LCP2: variants seen among roughly 807,000 people sequenced by gnomAD.
LCP2 encodes lymphocyte cytosolic protein 2.
A neutral mutation model predicts 74.5 loss-of-function variants in LCP2; 29 were observed. The observed-to-expected ratio is 0.39, with a 90% CI of 0.29 to 0.53. LCP2 has a LOEUF of 0.53. Ranked by LOEUF, LCP2 falls within the 20% of genes least tolerant of loss-of-function variation. The pLI is 0.72. For synonymous variants in LCP2, 228 were observed against 229.5 expected, an observed-to-expected ratio of 0.99 and a Z score of 0.06; for missense variants, 604 against 634.6, an observed-to-expected ratio of 0.95 and a Z score of 0.52.
chr5:170,248,718 C>T lies in LCP2; in HGVS notation c.1581G>A (p.Thr527=), dbSNP rs376953561. 5.8e-5 allele frequency: 93 copies of T among 1,611,396 alleles called. No homozygotes were observed. Among genetic ancestry groups the T allele is most frequent in the Non-Finnish European group, 6.8e-5 (80 of 1,178,960 alleles). The part of the protein sequence containing the change: ...NRGSRYQCTL[T]HAAGYP The stretch of plus-strand genomic sequence containing the variant: ...CTTGCTATGGGTACCCTGCAGCATG[C>T]GTTAATGTGCACTGGTATCTGGAAC... Residue 527 remains threonine, a synonymous_variant, in exon 21 of 21, where the codon ACG becomes ACA. Transcript: ENST00000046794.
At position 170,256,690 on chromosome 5, in the gene LCP2, C is replaced by T. The variant is rs907615223; in HGVS notation, c.1101-115G>A. 1.0e-4 allele frequency: 75 copies of T among 745,260 alleles called. No homozygotes were observed. Among genetic ancestry groups the T allele is most frequent in the Non-Finnish European group, 1.8e-4 (73 of 413,914 alleles). 46.2% of individuals were successfully genotyped at this position (745,260 alleles called of 1,614,324 possible). ...GCTTCTTGATTTGGTATCACTTTCCCTGCTGCCCCCAAAACCATGGGGGCT... is the reference window on the plus strand; with the variant it reads ...GCTTCTTGATTTGGTATCACTTTCCTTGCTGCCCCCAAAACCATGGGGGCT... On this transcript the variant is annotated intron_variant, in intron 16 of 20. Coordinates refer to ENST00000046794, the MANE Select transcript of LCP2 (RefSeq NM_005565.5). The surrounding 1 kb of genome is among the most constrained non-coding windows in gnomAD (Gnocchi z 4.5).
At chr5:170,264,807 CTAAAAATAAAA>C (rs1761718244) in intron 10 of LCP2, among the ~76,000 whole-genome samples, 1 of 151,256 alleles carries the variant, frequency 6.6e-6, no homozygotes, top group Non-Finnish European at 1.5e-5. Context: ...TCAAAAAAAA[CTAAAAATAAAA>C]AAATAAAAAT....
intron 2 of LCP2, among the ~76,000 whole-genome samples, chr5:170,291,925 T>C (rs1316332130): frequency 2.0e-5 from 3 of 152,228 alleles, no homozygotes; most frequent in African/African-American, 7.2e-5. Context: ...CAAATCTCAA[T>C]ACAAATAAAT....
intron 2 of LCP2, among the ~76,000 whole-genome samples, chr5:170,289,590 CTTTTCTTTCTTTCTTTCTTTCTTTCT>C (rs1176290429): frequency 0.014 from 2,159 of 149,168 alleles, 18 homozygotes; most frequent in Non-Finnish European, 0.021. Flanking sequence ...TTAACTACTC[CTTTTCTTTCTTTCTTTCTTTCTTTCT>C]TTTTCTTTCT....
At chr5:170,254,396 C>T (rs1408575159) in intron 17 of LCP2, among the ~76,000 whole-genome samples, 1 of 152,136 alleles carries the variant, frequency 6.6e-6, no homozygotes, top group East Asian at 1.9e-4. Flanking sequence ...GGAGAGTCAC[C>T]TGTAAGGGCT....
rs563003317 is a variant in LCP2 at position 170,278,150 on chromosome 5, A to T, written c.189-2290T>A. On this transcript the variant is annotated intron_variant, in intron 3 of 20. Transcript: ENST00000046794. ...GGTGCTGGCTGCAGCAGCCACTCCCATTCTGTCACCTGTTTATTCAACAAT... is the reference window on the plus strand; with the variant it reads ...GGTGCTGGCTGCAGCAGCCACTCCCTTTCTGTCACCTGTTTATTCAACAAT... Among the ~76,000 whole-genome samples the T allele has an allele frequency of 1.4e-4, 21 of 150,438 alleles. No homozygotes were observed. The South Asian group carries it at 4.4e-3, about 32-fold the overall frequency.
In LCP2 at chr5:170,246,306, T is replaced by C. The variant is rs1761290704; in HGVS notation, c.*2391A>G. ...CGTCACTAATGGCAAGTGTATGACA[T>C]AGGAAATTGGCCATGGGTCACTGCT... is the stretch of plus-strand genomic sequence containing the variant. On this transcript the variant is annotated 3_prime_UTR_variant, in exon 21 of 21. Coordinates refer to ENST00000046794, the MANE Select transcript of LCP2 (RefSeq NM_005565.5). 2 of 467,812 alleles carry C rather than the reference T, an allele frequency of 4.3e-6. No individual in the cohort carries two copies. Among genetic ancestry groups the C allele is most frequent in the Non-Finnish European group, 7.4e-6 (2 of 270,096 alleles). 29.0% of individuals were successfully genotyped at this position (467,812 alleles called of 1,614,324 possible).
chr5:170,275,149 TCTC>T (rs1761985777), intron 5 of LCP2, among the ~76,000 whole-genome samples, 168 bp downstream of exon 5: 1 of 151,864 alleles, frequency 6.6e-6, no homozygotes, highest in Non-Finnish European at 1.5e-5. Flanking sequence ...CAGAGCAAGA[TCTC>T]CTCCCCTCCA....
At position 170,296,775 on chromosome 5, in the gene LCP2, C is replaced by T. The variant is rs13164693; in HGVS notation, c.78+759G>A. ...CTAAGTCCAGAAGATAAGACAGCAA[C>T]GCTCTGGTCCCAGCACCGCCACAAG... On this transcript the variant is annotated intron_variant, in intron 1 of 20. Coordinates refer to ENST00000046794, the MANE Select transcript of LCP2 (RefSeq NM_005565.5). Among the ~76,000 whole-genome samples, 7 of 152,290 alleles carry T rather than the reference C, an allele frequency of 4.6e-5. No homozygotes were observed. In the South Asian group the frequency reaches 6.2e-4, roughly 14 times the overall value.
In LCP2 at chr5:170,262,660, G is replaced by C. The variant is rs550138472; in HGVS notation, c.901C>G (p.Pro301Ala). 133 of 1,613,712 alleles carry C rather than the reference G, an allele frequency of 8.2e-5. 1 individual carries two copies. In the South Asian group the frequency reaches 1.2e-3, roughly 15 times the overall value. The change falls in exon 13 of 21, where the codon CCA becomes GCA. Residue 301 changes from proline (P) to alanine (A), a missense_variant. Physicochemically the swap from Pro to Ala is conservative, Grantham distance 27. Coordinates refer to ENST00000046794, the MANE Select transcript of LCP2 (RefSeq NM_005565.5). ...TERHERSSPL[P>A]GKKPPVPKHG... ...TTTGGCACAGGTGGCTTCTTCCCTG[G>C]CAGGGGGCTGCTCCTTTCATGTCTT...
intron 19 of LCP2, chr5:170,252,038 T>G: frequency 9.9e-6 from 2 of 202,976 alleles, no homozygotes; most frequent in Non-Finnish European, 2.1e-5. Context: ...CTGCCATCTC[T>G]TTAATATTGG....
intron 3 of LCP2, among the ~76,000 whole-genome samples, chr5:170,278,203 G>A (rs1437965766): frequency 2.0e-5 from 3 of 149,044 alleles, no homozygotes; most frequent in Non-Finnish European, 3.0e-5. Flanking sequence ...TAAGTGCTGG[G>A]AACTTAGAAG....
intron 2 of LCP2, among the ~76,000 whole-genome samples, chr5:170,289,780 C>T (rs1294094310): frequency 7.2e-6 from 1 of 138,108 alleles, no homozygotes; most frequent in Non-Finnish European, 1.5e-5. Flanking sequence ...CATCACTGAG[C>T]AGCATCTCCC....
chr5:170,253,292 C>A, intron 17 of LCP2, 79 bp from the exon 18 acceptor site: 1 of 922,212 alleles, frequency 1.1e-6, no homozygotes, highest in Non-Finnish European at 1.7e-6. Flanking sequence ...ACACATTCCC[C>A]CCACTCCCCC....
At chr5:170,291,226 A>AAGGAAGAAAGAAAGG (rs1561979324) in intron 2 of LCP2, among the ~76,000 whole-genome samples, 7 of 53,004 alleles carry the variant, frequency 1.3e-4, no homozygotes, top group African/African-American at 4.7e-4. Context: ...AGGAAGGAAG[A>AAGGAAGAAAGAAAGG]AAGGAAGGAA....
At chr5:170,273,177 C>G (rs138436465) in intron 6 of LCP2, among the ~76,000 whole-genome samples, 15 of 152,118 alleles carry the variant, frequency 9.9e-5, no homozygotes, top group Admixed American at 6.5e-5. Context: ...GGGCACATAA[C>G]GGAGCTGCCA....
intron 2 of LCP2, among the ~76,000 whole-genome samples, chr5:170,290,969 AAAG>A (rs1239095251): frequency 1.4e-4 from 4 of 28,266 alleles, no homozygotes; most frequent in African/African-American, 2.6e-4. Context: ...AGAAAGAAAG[AAAG>A]AAAGAAAGAA....
chr5:170,248,616 G>A lies in LCP2; in HGVS notation c.*81C>T. 1 of 1,502,046 alleles carries A rather than the reference G, an allele frequency of 6.7e-7. No individual in the cohort carries two copies. Among genetic ancestry groups the A allele is most frequent in the Non-Finnish European group, 9.2e-7 (1 of 1,088,902 alleles). 93.0% of individuals were successfully genotyped at this position (1,502,046 alleles called of 1,614,324 possible). On this transcript the variant is annotated 3_prime_UTR_variant, in exon 21 of 21. Coordinates refer to ENST00000046794, the MANE Select transcript of LCP2 (RefSeq NM_005565.5). ...GGAGGGGTTCAGTTCAGTCCTAAGT[G>A]TTTGTCCATTGACCAAGGCTGATTG...
chr5:170,262,563 G>T (rs1761674097), intron 13 of LCP2, 72 bp downstream of exon 13: 1 of 1,161,844 alleles, frequency 8.6e-7, no homozygotes, highest in Non-Finnish European at 1.2e-6. Context: ...GGTTCCCACT[G>T]CAGAGTCAGC....
Sources: allele counts gnomAD v4.1 joint callset (sites outside exome capture counted in the v4.1 genomes callset), GRCh38; gene constraint gnomAD v4.1.1; non-coding constraint Gnocchi (gnomAD v3.1); transcripts MANE v1.5; gene names NCBI Gene and HGNC (gene_info 2026-07-23, HGNC 2026-07-21).